The following CEP83 variants were observed in gnomAD, a reference collection of about 807,000 sequenced individuals.
The protein encoded by CEP83 is centrosomal protein of 83 kDa.
CEP83 carries 70 observed loss-of-function variants against 101.9 expected under a neutral mutation model. The observed-to-expected ratio is 0.69, with a 90% confidence interval of 0.57 to 0.84. The LOEUF is 0.84. Among genes scored for constraint, CEP83 ranks in the 40% least tolerant of loss-of-function variants. The pLI, the probability that CEP83 is intolerant of heterozygous loss-of-function variation, is 0.00. For missense variants in CEP83, 715 were observed against 787.2 expected, an observed-to-expected ratio of 0.91 and a Z score of 1.10; for synonymous variants, 264 against 267.9, an observed-to-expected ratio of 0.99 and a Z score of 0.14.
At position 94,423,853 on chromosome 12, in the gene CEP83, A is replaced by G. The variant is rs999639002; in HGVS notation, c.-101-11262T>C. 6.8e-6 allele frequency: 11 copies of G among 1,612,826 alleles called. No homozygotes were observed. In the African/African-American group the frequency reaches 9.3e-5, roughly 14 times the overall value. ...GACTGAAACACTGGAAGGAAGGCAC[A>G]GGGGTGTACTGGGAGATGTAAGCTC... On this transcript the variant is annotated intron_variant, in intron 2 of 16. Coordinates refer to ENST00000397809, the MANE Select transcript of CEP83 (RefSeq NM_016122.3).
chr12:94,278,105 TC>T, the CEP83 span: 2 of 453,812 alleles, frequency 4.4e-6, no homozygotes, highest in Admixed American at 4.7e-5. Flanking sequence ...TTCTGTCTTC[TC>T]CCTTCCTTCT....
chr12:94,387,233 T>C (rs2062201164), intron 6 of CEP83, among the ~76,000 whole-genome samples: 2 of 152,166 alleles, frequency 1.3e-5, no homozygotes, highest in African/African-American at 4.8e-5. Context: ...GTCCATGGCC[T>C]GTCAGGAATG....
chr12:94,449,108 T>C (rs964248849), intron 1 of CEP83, among the ~76,000 whole-genome samples: 3 of 150,052 alleles, frequency 2.0e-5, no homozygotes, highest in Non-Finnish European at 4.4e-5. Context: ...GGGAAAATTA[T>C]TGCCAACCTT....
chr12:94,368,228 A>T, intron 9 of CEP83, 27 bp from the exon 10 acceptor site: 1 of 1,573,546 alleles, frequency 6.4e-7, no homozygotes, highest in Non-Finnish European at 8.7e-7. Context: ...AGAAAAGTGT[A>T]CTATATTCAA....
At chr12:94,451,689 AC>A in intron 1 of CEP83, among the ~76,000 whole-genome samples, 1 of 152,310 alleles carries the variant, frequency 6.6e-6, no homozygotes, top group Admixed American at 6.5e-5. Context: ...GAATCATCAT[AC>A]ATTGCTGGTA....
intron 6 of CEP83, among the ~76,000 whole-genome samples, chr12:94,379,605 G>A (rs142429584): frequency 1.3e-5 from 2 of 152,228 alleles, no homozygotes; most frequent in African/African-American, 4.8e-5. Flanking sequence ...GATTCAAGAA[G>A]AATTGAAAAA....
intron 6 of CEP83, among the ~76,000 whole-genome samples, chr12:94,390,975 T>C (rs2062487672): frequency 6.6e-6 from 1 of 151,954 alleles, no homozygotes; most frequent in African/African-American, 2.4e-5. Flanking sequence ...TATGGGACTA[T>C]GTGAAAAGAC....
At chr12:94,407,983 A>G (rs1192140122) in intron 4 of CEP83, 1 of 152,150 alleles carries the variant, frequency 6.6e-6, no homozygotes, top group Non-Finnish European at 1.5e-5. Context: ...ACACCCAGCT[A>G]ATATTTGTAT....
intron 6 of CEP83, among the ~76,000 whole-genome samples, chr12:94,399,203 T>G (rs1037424547): frequency 3.3e-5 from 5 of 152,162 alleles, no homozygotes; most frequent in Non-Finnish European, 7.3e-5. Flanking sequence ...CCTTAATAAA[T>G]CTTGCTGGCT....
the CEP83 span, among the ~76,000 whole-genome samples, chr12:94,300,194 G>GCAAA: frequency 6.6e-6 from 1 of 152,178 alleles, no homozygotes; most frequent in African/African-American, 2.4e-5. Context: ...AATGCAATAT[G>GCAAA]CAAACAGTAG....
At chr12:94,353,660 C>T (rs2060303813) in intron 11 of CEP83, among the ~76,000 whole-genome samples, 2 of 151,672 alleles carry the variant, frequency 1.3e-5, no homozygotes, top group South Asian at 4.1e-4. Flanking sequence ...AAACTCAAAG[C>T]CCAAATATAA....
intron 2 of CEP83, among the ~76,000 whole-genome samples, chr12:94,426,624 T>C (rs970400064): frequency 6.6e-6 from 1 of 152,192 alleles, no homozygotes; most frequent in Admixed American, 6.5e-5. Context: ...GCCCTCAAAA[T>C]ATGTCATTTC....
intron 11 of CEP83, among the ~76,000 whole-genome samples, chr12:94,343,220 T>C (rs1593274612): frequency 1.3e-5 from 2 of 151,918 alleles, no homozygotes; most frequent in South Asian, 4.1e-4. Flanking sequence ...TGACTATAGT[T>C]CTATAGTCGC....
At chr12:94,424,635 T>C in intron 2 of CEP83, 1 of 1,613,810 alleles carries the variant, frequency 6.2e-7, no homozygotes, top group Non-Finnish European at 8.5e-7. Context: ...GTTACAGCTT[T>C]CTGTGCTGCT....
At chr12:94,292,013 CGT>C in the CEP83 span, among the ~76,000 whole-genome samples, 7 of 152,152 alleles carry the variant, frequency 4.6e-5, no homozygotes, top group African/African-American at 1.7e-4. Context: ...GGCTTCTTCG[CGT>C]GTTTTTGCAG....
rs74694332 is a variant in CEP83 at position 94,350,059 on chromosome 12, T to A, written c.1344-14395A>T. On this transcript the variant is annotated intron_variant, in intron 11 of 16. Transcript: ENST00000397809. Reference sequence around the variant, plus strand: ...ATTGAAAGATTCAATATTGTTGAGATGTCAATACTACCAAAAATAATCTAC... The same window carrying A: ...ATTGAAAGATTCAATATTGTTGAGAAGTCAATACTACCAAAAATAATCTAC... Among the ~76,000 whole-genome samples, 298 of 152,326 alleles carry A rather than the reference T, an allele frequency of 2.0e-3. 10 individuals are homozygous for A. In the East Asian group the frequency reaches 0.049, roughly 25 times the overall value.
rs2067243674 is a variant in CEP83 at position 94,451,460 on chromosome 12, G to A, written c.-155+8097C>T. Reference sequence around the variant, plus strand: ...ATATATAAAGAACTCTTACAACTCAGTAAGACCAAAAAAAAAAAAAAAAAA... The same window carrying A: ...ATATATAAAGAACTCTTACAACTCAATAAGACCAAAAAAAAAAAAAAAAAA... On this transcript the variant is annotated intron_variant, in intron 1 of 16. Transcript: ENST00000397809. 4.2e-5 allele frequency among the ~76,000 whole-genome samples: 5 copies of A among 118,652 alleles called. No homozygotes were observed. The South Asian group carries it at 1.4e-3, about 34-fold the overall frequency. 77.8% of individuals were successfully genotyped at this position (118,652 alleles called of 152,430 possible). A position where few individuals can be genotyped will look rare whatever the true frequency, so the allele number is the denominator to read the frequency against.
intron 1 of CEP83, among the ~76,000 whole-genome samples, chr12:94,456,858 T>G (rs191699408): frequency 6.6e-5 from 10 of 152,326 alleles, no homozygotes; most frequent in African/African-American, 2.4e-4. Context: ...TGGAAAAGAC[T>G]AAGGATACAG....
chr12:94,291,045 G>T, the CEP83 span, among the ~76,000 whole-genome samples: 1 of 152,176 alleles, frequency 6.6e-6, no homozygotes, highest in Non-Finnish European at 1.5e-5. Context: ...GCACTTCCTT[G>T]CTTGGGGATT....
Sources: allele counts gnomAD v4.1 joint callset (sites outside exome capture counted in the v4.1 genomes callset), GRCh38; gene constraint gnomAD v4.1.1; transcripts MANE v1.5; gene names NCBI Gene and HGNC (gene_info 2026-07-23, HGNC 2026-07-21).